FZD3: variants seen among roughly 807,000 people sequenced by gnomAD.
FZD3 encodes frizzled-3.
Under a neutral mutation model 60.7 loss-of-function variants are expected in FZD3, and 30 were observed. The ratio of observed to expected loss-of-function variants is 0.49; its 90% confidence interval spans 0.37 to 0.67. The LOEUF is 0.67. FZD3 is among the 30% of genes least tolerant of loss of function. FZD3 has a pLI of 0.00. For synonymous variants in FZD3, 246 were observed against 275.2 expected, an observed-to-expected ratio of 0.89 and a Z score of 1.05; for missense variants, 605 against 838.7, an observed-to-expected ratio of 0.72 and a Z score of 3.44.
intron 4 of FZD3, among the ~76,000 whole-genome samples, chr8:28,522,268 T>G (rs534054370): frequency 6.6e-6 from 1 of 151,848 alleles, no homozygotes; most frequent in African/African-American, 2.4e-5. Context: ...TATAACAAAA[T>G]GACATTGAAA....
chr8:28,521,167 CCT>C (rs904629352), intron 4 of FZD3, among the ~76,000 whole-genome samples: 1 of 152,062 alleles, frequency 6.6e-6, no homozygotes, highest in Non-Finnish European at 1.5e-5. Context: ...CCATTTATTA[CCT>C]CATCATTGCG....
intron 1 of FZD3, among the ~76,000 whole-genome samples, chr8:28,496,636 A>G (rs1277872871): frequency 6.6e-6 from 1 of 152,228 alleles, no homozygotes; most frequent in Non-Finnish European, 1.5e-5. Flanking sequence ...CTATAATGTT[A>G]GGAACAAATG....
chr8:28,562,901 G>T lies in FZD3; in HGVS notation c.1891G>T (p.Glu631Ter). ...GCATAGTAGTTCTCATCGGCTCAAT[G>T]AACAGTCACGACATAGCAGCATCAG... Reference protein sequence around the residue: ...SRHSSSHRLNEQSRHSSIRDL... With the variant: ...SRHSSSHRLN Residue 631 changes from glutamate (E) to a stop codon, truncating the protein, a stop_gained, in exon 8 of 8, where the codon GAA becomes TAA. Transcript: ENST00000240093. LOFTEE classifies it high-confidence loss of function. 6.2e-7 allele frequency: 1 copy of T among 1,612,910 alleles called. No individual in the cohort carries two copies. The highest frequency in any genetic ancestry group is 1.1e-5 in the South Asian group (1 of 91,050).
At chr8:28,550,513 A>G (rs1585996771) in intron 5 of FZD3, among the ~76,000 whole-genome samples, 1 of 74,580 alleles carries the variant, frequency 1.3e-5, no homozygotes, top group East Asian at 4.2e-4. Context: ...TTTTGGAGAC[A>G]TTGAGTCTCA....
chr8:28,541,895 A>ACCT (rs1805176788), intron 5 of FZD3, among the ~76,000 whole-genome samples: 1 of 151,934 alleles, frequency 6.6e-6, no homozygotes, highest in Non-Finnish European at 1.5e-5. Flanking sequence ...GCTTCTCAGT[A>ACCT]CCTCCACCTC....
chr8:28,532,696 A>C (rs1804911405), intron 5 of FZD3, among the ~76,000 whole-genome samples: 1 of 151,892 alleles, frequency 6.6e-6, no homozygotes, highest in African/African-American at 2.4e-5. Context: ...TATAGGTGTG[A>C]GCTACTGTGC....
At position 28,566,296 on chromosome 8, in the gene FZD3, ATAAT is replaced by A. The variant is rs1213916045; in HGVS notation, c.*3289_*3292del. ...ATAGATAACAGTCCATATCACTATTATAATTAAAGAAATATATGTACAGACATGT... is the reference window on the plus strand; with the variant it reads ...ATAGATAACAGTCCATATCACTATTATAAAGAAATATATGTACAGACATGT... On this transcript the variant is annotated 3_prime_UTR_variant, in exon 8 of 8. Coordinates refer to ENST00000240093, the MANE Select transcript of FZD3 (RefSeq NM_017412.4). The A allele has an allele frequency of 2.6e-5, 4 of 152,240 alleles. No individual in the cohort carries two copies. The highest frequency in any genetic ancestry group is 6.5e-5 in the Admixed American group (1 of 15,280). The allele number at this position is 152,240 out of a possible 1,614,324, so 9.4% of individuals were successfully genotyped here. A position where few individuals can be genotyped will look rare whatever the true frequency, so the allele number is the denominator to read the frequency against.
chr8:28,522,431 G>C (rs77746447), intron 4 of FZD3, among the ~76,000 whole-genome samples: 1 of 151,872 alleles, frequency 6.6e-6, no homozygotes, highest in African/African-American at 2.4e-5. Flanking sequence ...TGTCTGTTTC[G>C]CACCTATTTT....
chr8:28,513,153 A>G (rs1460357993), intron 3 of FZD3, among the ~76,000 whole-genome samples: 1 of 152,144 alleles, frequency 6.6e-6, no homozygotes, highest in East Asian at 1.9e-4. Flanking sequence ...CTTTAGGACA[A>G]AAAAATAGCA....
intron 5 of FZD3, among the ~76,000 whole-genome samples, chr8:28,531,703 GT>G (rs1359932538): frequency 6.6e-6 from 1 of 151,986 alleles, no homozygotes; most frequent in Non-Finnish European, 1.5e-5. Flanking sequence ...GGTTGAATGT[GT>G]TTTCGTATGT....
At chr8:28,495,939 T>C (rs1563377179) in intron 1 of FZD3, among the ~76,000 whole-genome samples, 1 of 152,098 alleles carries the variant, frequency 6.6e-6, no homozygotes, top group African/African-American at 2.4e-5. Context: ...CTACCCCTTT[T>C]CCCTCATCCA....
chr8:28,529,339 C>T (rs1026599499), intron 5 of FZD3, among the ~76,000 whole-genome samples: 2 of 152,172 alleles, frequency 1.3e-5, no homozygotes, highest in African/African-American at 4.8e-5. Context: ...TCTCCTCCAA[C>T]CTTTGTTACT....
In FZD3 at chr8:28,513,813, T is replaced by C. The variant is rs149381221; in HGVS notation, c.190-6825T>C. Among the ~76,000 whole-genome samples, 38 of 152,332 alleles carry C rather than the reference T, an allele frequency of 2.5e-4. No homozygotes were observed. In the East Asian group the frequency reaches 7.1e-3, roughly 29 times the overall value. ...TACAGTTTCTATGGTTACCAGACCC[T>C]TTGTAGAGTGACAAAGGTTGGAATT... On this transcript the variant is annotated intron_variant, in intron 3 of 7. Transcript: ENST00000240093.
At chr8:28,515,473 T>G (rs1384298896) in intron 3 of FZD3, among the ~76,000 whole-genome samples, 1 of 152,214 alleles carries the variant, frequency 6.6e-6, no homozygotes, top group Non-Finnish European at 1.5e-5. Context: ...GTTTTATATG[T>G]TGGCATACTT....
intron 5 of FZD3, among the ~76,000 whole-genome samples, chr8:28,542,207 T>C (rs1805185537): frequency 6.6e-6 from 1 of 151,862 alleles, no homozygotes; most frequent in African/African-American, 2.4e-5. Context: ...ACTTTTAGCC[T>C]TGCTGGCCTC....
rs148207506 is a variant in FZD3, at chr8:28,503,022, G to T, written c.9G>T (p.Met3Ile). Residue 3 changes from methionine (M) to isoleucine (I), a missense_variant, in exon 3 of 8, where the codon ATG becomes ATT. Met to Ile is a conservative substitution (Grantham distance 10). Transcript: ENST00000240093. ...CTTCAGACCCAGGAAGGATGGCTAT[G>T]ACTTGGATTGTCTTCTCTCTTTGGC... is the stretch of plus-strand genomic sequence containing the variant. MA[M>I]TWIVFSLWPL... 4.2e-5 allele frequency: 68 copies of T among 1,612,232 alleles called. 1 individual carries two copies. The African/African-American group carries it at 8.7e-4, about 21-fold the overall frequency.
Position 28,540,920 on chromosome 8 carries a change from T to C in FZD3, c.1405-10683T>C, listed in dbSNP as rs528903567. ...AGAATTGCACCACTGCACTCCAGCC[T>C]GGGCGACAGAGTGAGCCCCTTTCAA... is the stretch of plus-strand genomic sequence containing the variant. On this transcript the variant is annotated intron_variant, in intron 5 of 7. Transcript: ENST00000240093. 2.0e-5 allele frequency among the ~76,000 whole-genome samples: 3 copies of C among 152,332 alleles called. No homozygotes were observed. The East Asian group carries it at 5.8e-4, about 29-fold the overall frequency.
chr8:28,524,514 C>G (rs1370558401), intron 4 of FZD3, among the ~76,000 whole-genome samples: 1 of 152,200 alleles, frequency 6.6e-6, no homozygotes, highest in Non-Finnish European at 1.5e-5. Flanking sequence ...CCTTCAACCT[C>G]AGCCTGTCCT....
chr8:28,528,182 A>T lies in FZD3; in HGVS notation c.1404+18A>T. 6.4e-7 allele frequency: 1 copy of T among 1,568,146 alleles called. No individual in the cohort carries two copies. Among genetic ancestry groups the T allele is most frequent in the Middle Eastern group, 1.7e-4 (1 of 5,862 alleles). On this transcript the variant is annotated intron_variant, in intron 5 of 7. Coordinates refer to ENST00000240093, the MANE Select transcript of FZD3 (RefSeq NM_017412.4). ...CATATCAGGTAAGGGAAACCTTGTT[A>T]CAAATTTCAGAATATATGATAATGA... is the stretch of plus-strand genomic sequence containing the variant.
Sources: allele counts gnomAD v4.1 joint callset (sites outside exome capture counted in the v4.1 genomes callset), GRCh38; gene constraint gnomAD v4.1.1; transcripts MANE v1.5; gene names NCBI Gene and HGNC (gene_info 2026-07-23, HGNC 2026-07-21).